EPHB2: variants seen among roughly 807,000 people sequenced by gnomAD.
EPHB2 encodes the protein EPH receptor B2, also known as ephrin type-B receptor 2.
Under a neutral mutation model 96.4 loss-of-function variants are expected in EPHB2, and 18 were observed. The ratio of observed to expected loss-of-function variants is 0.19; its 90% CI spans 0.13 to 0.28. The LOEUF (loss-of-function observed/expected upper bound fraction) is 0.28, where lower values mean the gene tolerates loss of function less well. EPHB2 is among the 10% of genes least tolerant of loss of function. EPHB2 has a pLI of 1.00. For missense variants in EPHB2, 989 were observed against 1,355.4 expected, an observed-to-expected ratio of 0.73 and a Z score of 4.25; for synonymous variants, 506 against 534.1, an observed-to-expected ratio of 0.95 and a Z score of 0.72.
At position 22,734,227 on chromosome 1, in the gene EPHB2, G is replaced by A. The variant is rs556451633; in HGVS notation, c.61+23184G>A. ...CCTGGCTGCCTCTTTAGCAGGAGCAGGATAAATCTTACCCCCCGGCACAGC... is the reference window on the plus strand; with the variant it reads ...CCTGGCTGCCTCTTTAGCAGGAGCAAGATAAATCTTACCCCCCGGCACAGC... On this transcript the variant is annotated intron_variant, in intron 1 of 15. Transcript: ENST00000374630. Among the ~76,000 whole-genome samples the A allele has an allele frequency of 2.2e-4, 34 of 152,208 alleles. 1 individual carries two copies. The South Asian group carries it at 6.6e-3, about 30-fold the overall frequency.
At chr1:22,870,444 C>A (rs939906976) in intron 5 of EPHB2, among the ~76,000 whole-genome samples, 1 of 152,152 alleles carries the variant, frequency 6.6e-6, no homozygotes, top group African/African-American at 2.4e-5. Flanking sequence ...TCAGAGTGAG[C>A]CACGCTACCC....
intron 3 of EPHB2, among the ~76,000 whole-genome samples, chr1:22,786,759 T>C (rs1360039621): frequency 6.6e-6 from 1 of 151,612 alleles, no homozygotes; most frequent in Non-Finnish European, 1.5e-5. Context: ...AGGGATAGGA[T>C]GGGAAGGAAG....
At chr1:22,901,820 A>AGTGTGTGTGTGTGTGTGTGT (rs57503593) in intron 9 of EPHB2, among the ~76,000 whole-genome samples, 207 of 148,566 alleles carry the variant, frequency 1.4e-3, no homozygotes, top group African/African-American at 4.0e-3. Context: ...TGTGTGTGTG[A>AGTGTGTGTGTGTGTGTGTGT]GTGTGTGTGT....
At chr1:22,736,160 G>A (rs998237397) in intron 1 of EPHB2, among the ~76,000 whole-genome samples, 11 of 152,132 alleles carry the variant, frequency 7.2e-5, no homozygotes, top group Non-Finnish European at 1.0e-4. Context: ...AAGCAGAGTC[G>A]GGGGGCTGTG....
intron 11 of EPHB2, 103 bp from the exon 12 acceptor site, chr1:22,907,850 C>T: frequency 6.9e-7 from 1 of 1,446,294 alleles, no homozygotes; most frequent in Non-Finnish European, 9.7e-7. Context: ...GAGCCCAGAG[C>T]CAGGCTGGCA....
chr1:22,757,685 G>T (rs1449299342), intron 1 of EPHB2, among the ~76,000 whole-genome samples: 1 of 152,042 alleles, frequency 6.6e-6, no homozygotes, highest in African/African-American at 2.4e-5. Flanking sequence ...AACATGGCAA[G>T]ACCCTGTCTC....
At chr1:22,777,460 C>A (rs754868969) in intron 1 of EPHB2, among the ~76,000 whole-genome samples, 3 of 152,222 alleles carry the variant, frequency 2.0e-5, no homozygotes, top group African/African-American at 2.4e-5. Context: ...GGACGGGAGA[C>A]GTCTGGTGTG....
At position 22,906,033 on chromosome 1, in the gene EPHB2, C is replaced by T. The variant is rs1208361026; in HGVS notation, c.1812C>T (p.Asp604=). The T allele has an allele frequency of 6.2e-7, 1 of 1,614,096 alleles. No homozygotes were observed. The highest frequency in any genetic ancestry group is 8.5e-7 in the Non-Finnish European group (1 of 1,180,050). ...KIYIDPFTYE[D]PNEAVREFAK... ...ACATCGATCCTTTCACCTACGAGGA[C>T]CCCAACGAGGCAGTGCGGGAGTTTG... is the stretch of plus-strand genomic sequence containing the variant. The change falls in exon 10 of 16, where the codon GAC becomes GAT. Residue 604 remains aspartate (D), a synonymous_variant. Transcript: ENST00000374630. This position sits in a 1 kb window ranked among gnomAD's most constrained non-coding sequence, Gnocchi z 4.8.
At chr1:22,900,835 C>G (rs954752202) in intron 9 of EPHB2, among the ~76,000 whole-genome samples, 5 of 152,172 alleles carry the variant, frequency 3.3e-5, no homozygotes, top group African/African-American at 1.2e-4. Flanking sequence ...ACCCAGCCAC[C>G]CTGCGTGGTC....
rs1450335580 is a variant in EPHB2 at position 22,917,305 on chromosome 1, A to C, written c.*3735A>C. ...GTTAATCCTCCTGCCTCACTGAAGC[A>C]CAGGAAGGACCCAGGCCCCAGACCA... On this transcript the variant is annotated 3_prime_UTR_variant, in exon 16 of 16. Transcript: ENST00000374630. 1.3e-5 allele frequency: 2 copies of C among 152,272 alleles called. No homozygotes were observed. The highest frequency in any genetic ancestry group is 2.9e-5 in the Non-Finnish European group (2 of 68,128). 9.4% of individuals were successfully genotyped at this position (152,272 alleles called of 1,614,324 possible). A position where few individuals can be genotyped will look rare whatever the true frequency, so the allele number is the denominator to read the frequency against.
intron 3 of EPHB2, among the ~76,000 whole-genome samples, chr1:22,830,568 TTTTG>T (rs1338603448): frequency 9.8e-5 from 15 of 152,330 alleles, no homozygotes; most frequent in East Asian, 7.7e-4. Flanking sequence ...TATTCATTTC[TTTTG>T]TTTGTTTGTT....
At chr1:22,760,774 C>A (rs1025849440) in intron 1 of EPHB2, among the ~76,000 whole-genome samples, 1 of 152,218 alleles carries the variant, frequency 6.6e-6, no homozygotes, top group South Asian at 2.1e-4. Flanking sequence ...ATCATCCCAT[C>A]TGTACACCCA....
At chr1:22,868,967 C>T (rs1638572189) in intron 5 of EPHB2, among the ~76,000 whole-genome samples, 1 of 152,198 alleles carries the variant, frequency 6.6e-6, no homozygotes, top group Non-Finnish European at 1.5e-5. Flanking sequence ...GCCGCAGACC[C>T]TGGGAATATG....
At chr1:22,732,419 A>G (rs938419268) in intron 1 of EPHB2, among the ~76,000 whole-genome samples, 3 of 152,144 alleles carry the variant, frequency 2.0e-5, no homozygotes, top group African/African-American at 7.2e-5. Flanking sequence ...TCTTCTCTCT[A>G]ATTTTTGAGA....
chr1:22,857,386 A>G (rs1645716530), intron 3 of EPHB2, among the ~76,000 whole-genome samples: 1 of 152,082 alleles, frequency 6.6e-6, no homozygotes, highest in African/African-American at 2.4e-5. Context: ...AAGTGGGCAC[A>G]CACATCAGAC....
intron 6 of EPHB2, 50 bp downstream of exon 6, chr1:22,882,533 C>G (rs768526621): frequency 1.2e-6 from 2 of 1,609,586 alleles, no homozygotes; most frequent in South Asian, 2.2e-5. Context: ...CTGAGGGCCC[C>G]TCTCCCAGGC....
chr1:22,911,151 T>A (rs866974298), intron 14 of EPHB2, among the ~76,000 whole-genome samples: 5 of 141,940 alleles, frequency 3.5e-5, no homozygotes, highest in African/African-American at 1.5e-4. Flanking sequence ...AAAAAATAAA[T>A]AAATAAATAA....
chr1:22,903,094 G>A (rs967452799), intron 9 of EPHB2, among the ~76,000 whole-genome samples: 9 of 152,364 alleles, frequency 5.9e-5, no homozygotes, highest in South Asian at 2.1e-4. Context: ...AGCTGGGAAT[G>A]CCAGGCAGGG....
Position 22,784,667 on chromosome 1 carries a change from A to G in EPHB2, c.402A>G (p.Pro134=). The change falls in exon 3 of 16, where the codon CCA becomes CCG. Residue 134 remains proline, a synonymous_variant. Coordinates refer to ENST00000374630, the MANE Select transcript of EPHB2 (RefSeq NM_017449.5). The surrounding 1 kb of genome is among the most constrained non-coding windows in gnomAD (Gnocchi z 5.1). ...CCTTCCCCAACTGGATGGAGAATCCATGGGTGAAGGTGGATACCATTGCAG... is the reference window on the plus strand; with the variant it reads ...CCTTCCCCAACTGGATGGAGAATCCGTGGGTGAAGGTGGATACCATTGCAG... ...TKTFPNWMEN[P]WVKVDTIAAD... 3.7e-6 allele frequency: 6 copies of G among 1,614,024 alleles called. No homozygotes were observed. Among genetic ancestry groups the G allele is most frequent in the South Asian group, 1.1e-5 (1 of 91,076 alleles).
Sources: allele counts gnomAD v4.1 joint callset (sites outside exome capture counted in the v4.1 genomes callset), GRCh38; gene constraint gnomAD v4.1.1; non-coding constraint Gnocchi (gnomAD v3.1); transcripts MANE v1.5; gene names NCBI Gene and HGNC (gene_info 2026-07-23, HGNC 2026-07-21).